The following DNAH11 variants were observed in gnomAD, a reference collection of about 807,000 sequenced individuals.
The protein encoded by DNAH11 is axonemal beta dynein heavy chain 11.
Under a neutral mutation model 526.0 loss-of-function variants are expected in DNAH11, and 442 were observed. The observed-to-expected ratio is 0.84, with a 90% CI of 0.78 to 0.91. The LOEUF (loss-of-function observed/expected upper bound fraction) is 0.91, where lower values mean the gene tolerates loss of function less well. Ranked by LOEUF, DNAH11 falls within the 40% of genes least tolerant of loss-of-function variation. DNAH11 has a pLI of 0.00. For synonymous variants in DNAH11, 2,461 were observed against 1,935.9 expected, an observed-to-expected ratio of 1.27 and a Z score of -7.12; for missense variants, 6,989 against 5,448.7, an observed-to-expected ratio of 1.28 and a Z score of -8.90.
intron 30 of DNAH11, among the ~76,000 whole-genome samples, chr7:21,665,014 C>T (rs1480481826): frequency 6.6e-6 from 1 of 152,060 alleles, no homozygotes; most frequent in Non-Finnish European, 1.5e-5. Context: ...TTATCGACCT[C>T]ATCATACCTC....
intron 3 of DNAH11, among the ~76,000 whole-genome samples, chr7:21,559,208 CTAGCAAACCCAT>C (rs1783345517): frequency 6.6e-6 from 1 of 152,178 alleles, no homozygotes; most frequent in African/African-American, 2.4e-5. Context: ...TATCACACCT[CTAGCAAACCCAT>C]TAGCAAACAG....
intron 9 of DNAH11, among the ~76,000 whole-genome samples, chr7:21,584,205 A>G (rs1163969118): frequency 6.6e-6 from 1 of 152,198 alleles, no homozygotes; most frequent in Non-Finnish European, 1.5e-5. Flanking sequence ...TAGACTGGAT[A>G]AAGAAAATGT....
Position 21,606,635 on chromosome 7 carries a change from T to TG in DNAH11, c.3766-11dup. ...ATTCACTTTTTTTTTTTTTTTTTTT[T>TG]GCAATGATCAGGCAAAGCAGGCAGA... On this transcript the variant is annotated splice_polypyrimidine_tract_variant and intron_variant, in intron 19 of 81. Transcript: ENST00000409508. 1 of 1,501,812 alleles carries TG rather than the reference T, an allele frequency of 6.7e-7. No homozygotes were observed. Among genetic ancestry groups the TG allele is most frequent in the Non-Finnish European group, 8.9e-7 (1 of 1,117,686 alleles). 93.0% of individuals were successfully genotyped at this position (1,501,812 alleles called of 1,614,324 possible). A position where few individuals can be genotyped will look rare whatever the true frequency, so the allele number is the denominator to read the frequency against.
In DNAH11 at chr7:21,612,200, C is replaced by T. The variant is rs572330084; in HGVS notation, c.3853-2914C>T. Among the ~76,000 whole-genome samples the T allele has an allele frequency of 1.7e-3, 264 of 151,966 alleles. 1 individual carries two copies. Among genetic ancestry groups the T allele is most frequent in the African/African-American group, 6.1e-3 (251 of 41,436 alleles). On this transcript the variant is annotated intron_variant, in intron 20 of 81. Coordinates refer to ENST00000409508, the MANE Select transcript of DNAH11 (RefSeq NM_001277115.2). ...AGTCATATAACTATTCAAACTTAGC[C>T]AGTCAGAAAATAAAAAGAAAAATAT...
At chr7:21,745,243 A>T (rs901849948) in intron 51 of DNAH11, among the ~76,000 whole-genome samples, 180 bp downstream of exon 51, 1 of 152,230 alleles carries the variant, frequency 6.6e-6, no homozygotes, top group Non-Finnish European at 1.5e-5. Flanking sequence ...ATAATGTCTT[A>T]CATAGGCACA....
intron 54 of DNAH11, among the ~76,000 whole-genome samples, chr7:21,753,770 C>G (rs1029704838): frequency 6.6e-6 from 1 of 152,086 alleles, no homozygotes; most frequent in Non-Finnish European, 1.5e-5. Flanking sequence ...TCTTGTTAAG[C>G]TTTTTCTACT....
At chr7:21,564,873 ATTCC>A (rs969710164) in intron 6 of DNAH11, among the ~76,000 whole-genome samples, 3 of 151,830 alleles carry the variant, frequency 2.0e-5, no homozygotes, top group Non-Finnish European at 4.4e-5. Context: ...TTGTGTCTCT[ATTCC>A]TTACTCAACC....
chr7:21,641,995 G>T (rs553432984), intron 28 of DNAH11, among the ~76,000 whole-genome samples: 1 of 152,124 alleles, frequency 6.6e-6, no homozygotes, highest in Non-Finnish European at 1.5e-5. Flanking sequence ...ATGCCACCAC[G>T]CTAACAAAGG....
intron 57 of DNAH11, among the ~76,000 whole-genome samples, chr7:21,782,774 G>A (rs1210377046): frequency 1.3e-5 from 2 of 152,104 alleles, no homozygotes; most frequent in African/African-American, 2.4e-5. Context: ...GCCGGGTGTA[G>A]TGGTGCGTGC....
intron 58 of DNAH11, among the ~76,000 whole-genome samples, chr7:21,784,879 A>G (rs888511535): frequency 2.0e-5 from 3 of 152,178 alleles, no homozygotes; most frequent in East Asian, 3.9e-4. Context: ...TGTTGCTTTA[A>G]GAACTAGGCG....
chr7:21,661,084 T>C (rs965364072), intron 30 of DNAH11, among the ~76,000 whole-genome samples: 1 of 152,130 alleles, frequency 6.6e-6, no homozygotes, highest in Non-Finnish European at 1.5e-5. Context: ...TAGTTAATCA[T>C]TAATAGATCT....
chr7:21,686,101 G>A (rs1489474718), intron 32 of DNAH11, among the ~76,000 whole-genome samples: 3 of 152,148 alleles, frequency 2.0e-5, no homozygotes, highest in Admixed American at 2.0e-4. Flanking sequence ...AACATGCAAT[G>A]GATATAAAAT....
intron 45 of DNAH11, among the ~76,000 whole-genome samples, chr7:21,729,304 C>T (rs1177836082): frequency 6.6e-6 from 1 of 152,224 alleles, no homozygotes; most frequent in East Asian, 1.9e-4. Context: ...GGTATAACCC[C>T]ATCTCTATCC....
In DNAH11 at chr7:21,619,104, A is replaced by G; in HGVS notation, c.4259A>G (p.Lys1420Arg). Residue 1420 changes from lysine to arginine, a missense_variant, in exon 24 of 82, where the codon AAG becomes AGG. Transcript: ENST00000409508. ...AACTTTTTTTCCCCCAATCAGGTCA[A>G]GTTTTTAATAAATGAAGCCACAACT... The part of the protein sequence containing the change: ...WHQLMKAIGV[K>R]FLINEATTLA... 1 of 1,613,568 alleles carries G rather than the reference A, an allele frequency of 6.2e-7. No homozygotes were observed.
intron 75 of DNAH11, 150 bp downstream of exon 75, chr7:21,881,043 A>T: frequency 1.3e-6 from 1 of 766,012 alleles, no homozygotes. Flanking sequence ...TGTGAAAATA[A>T]ACCAGATCAA....
intron 58 of DNAH11, among the ~76,000 whole-genome samples, 153 bp from the exon 59 acceptor site, chr7:21,786,471 G>T (rs1444499403): frequency 2.0e-5 from 3 of 152,158 alleles, no homozygotes; most frequent in Non-Finnish European, 4.4e-5. Flanking sequence ...GAGTTCCAAG[G>T]TGGAGTCCCC....
At chr7:21,733,207 T>A (rs1189901082) in intron 45 of DNAH11, among the ~76,000 whole-genome samples, 1 of 152,180 alleles carries the variant, frequency 6.6e-6, no homozygotes, top group African/African-American at 2.4e-5. Context: ...GCCAACATTG[T>A]GAAACCTCTT....
intron 18 of DNAH11, among the ~76,000 whole-genome samples, chr7:21,602,726 G>A (rs1039272467): frequency 1.3e-5 from 2 of 152,080 alleles, no homozygotes; most frequent in Admixed American, 1.3e-4. Context: ...TTGTTTTCAA[G>A]TACTGTATGA....
chr7:21,789,989 G>A (rs1414653624), intron 61 of DNAH11, among the ~76,000 whole-genome samples: 2 of 146,382 alleles, frequency 1.4e-5, no homozygotes, highest in African/African-American at 2.5e-5. Context: ...ATGTGCCATG[G>A]TGGTTTGCTG....
Sources: gnomAD v4.1 joint callset for allele counts (sites outside exome capture counted in the v4.1 genomes callset) on GRCh38, gnomAD v4.1.1 for gene constraint, MANE v1.5 for transcripts, NCBI Gene and HGNC (gene_info 2026-07-23, HGNC 2026-07-21) for gene names.